ITGB3: variants seen among roughly 807,000 people sequenced by gnomAD.
ITGB3 encodes the protein integrin beta-3.
Under a neutral mutation model 85.8 loss-of-function variants are expected in ITGB3, and 48 were observed. The ratio of observed to expected loss-of-function variants is 0.56; its 90% CI spans 0.44 to 0.71. The LOEUF (loss-of-function observed/expected upper bound fraction) is 0.71, where lower values mean the gene tolerates loss of function less well. Among genes scored for constraint, ITGB3 ranks in the 30% least tolerant of loss-of-function variants. The probability of loss-of-function intolerance (pLI) is 0.00; values close to 1 mark genes in which losing one functional copy is unlikely to be tolerated. For synonymous variants in ITGB3, 363 were observed against 395.6 expected, an observed-to-expected ratio of 0.92 and a Z score of 0.98; for missense variants, 861 against 1,019.1, an observed-to-expected ratio of 0.84 and a Z score of 2.11.
rs1406074238 is a variant in ITGB3 at position 47,299,772 on chromosome 17, G to A, written c.1913+242G>A. On this transcript the variant is annotated intron_variant, in intron 11 of 14. Transcript: ENST00000559488. This position sits in a 1 kb window ranked among gnomAD's most constrained non-coding sequence, Gnocchi z 5.1. ...GATTGAGAATGTCCTCTCCTAGGGTGACATCCTGACTCCCTCTGAGCTGGG... is the reference window on the plus strand; with the variant it reads ...GATTGAGAATGTCCTCTCCTAGGGTAACATCCTGACTCCCTCTGAGCTGGG... Among the ~76,000 whole-genome samples, 4 of 152,220 alleles carry A rather than the reference G, an allele frequency of 2.6e-5. No homozygotes were observed. The highest frequency in any genetic ancestry group is 4.4e-5 in the Non-Finnish European group (3 of 68,038).
intron 1 of ITGB3, among the ~76,000 whole-genome samples, chr17:47,260,413 A>C (rs1226824406): frequency 1.3e-5 from 2 of 152,314 alleles, no homozygotes; most frequent in East Asian, 3.9e-4. Context: ...CTTTGGGAAA[A>C]AAAGAAGATC....
intron 10 of ITGB3, among the ~76,000 whole-genome samples, chr17:47,294,948 G>T (rs2143119687): frequency 6.6e-6 from 1 of 152,030 alleles, no homozygotes; most frequent in African/African-American, 2.4e-5. Context: ...CCCTACTTTG[G>T]GCCTGGTCTT....
chr17:47,308,532 G>C (rs1047294339), intron 14 of ITGB3, among the ~76,000 whole-genome samples: 1 of 151,998 alleles, frequency 6.6e-6, no homozygotes, highest in Non-Finnish European at 1.5e-5. Context: ...TTTGGAGACA[G>C]AGTCTTGCTC....
chr17:47,264,981 A>G (rs1408655560), intron 1 of ITGB3, among the ~76,000 whole-genome samples: 1 of 152,242 alleles, frequency 6.6e-6, no homozygotes, highest in Admixed American at 6.5e-5. Flanking sequence ...TCACAAGAGC[A>G]GGGGCTTTGT....
At chr17:47,278,868 CA>C (rs1350146056) in intron 2 of ITGB3, among the ~76,000 whole-genome samples, 1 of 152,176 alleles carries the variant, frequency 6.6e-6, no homozygotes, top group Non-Finnish European at 1.5e-5. Flanking sequence ...TGGGGTGGAA[CA>C]GTTTCATTCT....
intron 2 of ITGB3, among the ~76,000 whole-genome samples, chr17:47,281,160 C>T (rs1789689390): frequency 6.6e-6 from 1 of 152,070 alleles, no homozygotes. Flanking sequence ...CAGTGCCTGA[C>T]ATACAGTAAG....
intron 1 of ITGB3, among the ~76,000 whole-genome samples, chr17:47,262,690 TC>T (rs1310074075): frequency 7.2e-5 from 11 of 152,282 alleles, no homozygotes; most frequent in African/African-American, 2.6e-4. Context: ...GTTGGGTCTC[TC>T]CCTGGGGACT....
intron 1 of ITGB3, among the ~76,000 whole-genome samples, chr17:47,261,519 C>CTTT (rs71365061): frequency 1.6e-5 from 2 of 128,062 alleles, no homozygotes; most frequent in Non-Finnish European, 3.3e-5. Context: ...GGATCATTGT[C>CTTT]TTTTTTTTTT....
chr17:47,268,299 A>G (rs969844914), intron 1 of ITGB3, among the ~76,000 whole-genome samples: 2 of 152,214 alleles, frequency 1.3e-5, no homozygotes, highest in Non-Finnish European at 2.9e-5. Flanking sequence ...AAACACAATC[A>G]TGACTTCCCA....
rs1167838887 is a variant in ITGB3 at position 47,307,471 on chromosome 17, A to T, written c.2135A>T (p.Glu712Val). 1.3e-5 allele frequency: 21 copies of T among 1,613,812 alleles called. No homozygotes were observed. Among genetic ancestry groups the T allele is most frequent in the Non-Finnish European group, 1.7e-5 (20 of 1,180,038 alleles). ...CCTGCTCTGTGCTTCTTCCTCACAG[A>T]GTGTCCCAAGGGCCCTGACATCCTG... ...KSILYVVEEP[E>V]CPKGPDILVV... The change falls in exon 14 of 15, where the codon GAG (glutamate) becomes GTG (valine). Residue 712 changes from glutamate (E) to valine (V), a missense_variant and splice_region_variant. Physicochemically the swap from Glu to Val is moderately radical, Grantham distance 121 (BLOSUM62 -2). Transcript: ENST00000559488.
At chr17:47,304,228 C>T (rs1178288281) in intron 13 of ITGB3, among the ~76,000 whole-genome samples, 2 of 152,176 alleles carry the variant, frequency 1.3e-5, no homozygotes, top group African/African-American at 2.4e-5. Context: ...GAATTCTAGG[C>T]TCCGCCTCCC....
At chr17:47,273,499 T>C (rs536563558) in intron 1 of ITGB3, among the ~76,000 whole-genome samples, 7 of 152,382 alleles carry the variant, frequency 4.6e-5, no homozygotes, top group African/African-American at 1.7e-4. Flanking sequence ...TTTGGCTTCC[T>C]GGCTGAGCTT....
chr17:47,296,548 A>G (rs1787977517), intron 10 of ITGB3, among the ~76,000 whole-genome samples: 1 of 152,180 alleles, frequency 6.6e-6, no homozygotes, highest in Non-Finnish European at 1.5e-5. Context: ...AAGGTTTTTA[A>G]GCAGGTGAGT....
At chr17:47,297,239 A>C (rs1184819790) in intron 10 of ITGB3, among the ~76,000 whole-genome samples, 1 of 152,212 alleles carries the variant, frequency 6.6e-6, no homozygotes, top group Non-Finnish European at 1.5e-5. Context: ...CTGAAGTCAC[A>C]GTGACTTCAG....
rs771443640 is a variant in ITGB3 at position 47,292,296 on chromosome 17, G to A, written c.1418G>A (p.Arg473His). Residue 473 changes from arginine (R) to histidine (H), a missense_variant, in exon 10 of 15, where the codon CGC (arginine) becomes CAC (histidine). Physicochemically the swap from Arg to His is conservative, Grantham distance 29. Coordinates refer to ENST00000559488, the MANE Select transcript of ITGB3 (RefSeq NM_000212.3). Reference sequence around the variant, plus strand: ...GCCCAAGCTGAACCTAATAGCCATCGCTGCAACAATGGCAATGGGACCTTT... The same window carrying A: ...GCCCAAGCTGAACCTAATAGCCATCACTGCAACAATGGCAATGGGACCTTT... ...CQAQAEPNSH[R>H]CNNGNGTFEC... The A allele has an allele frequency of 5.6e-6, 9 of 1,614,090 alleles. No individual in the cohort carries two copies. The highest frequency in any genetic ancestry group is 2.7e-5 in the African/African-American group (2 of 74,932).
At chr17:47,289,940 T>G (rs2065118756) in intron 7 of ITGB3, among the ~76,000 whole-genome samples, 164 bp downstream of exon 7, 1 of 152,144 alleles carries the variant, frequency 6.6e-6, no homozygotes, top group African/African-American at 2.4e-5. Flanking sequence ...CCTGCAATCT[T>G]GAACTTACTA....
chr17:47,263,563 C>T (rs1431840148), intron 1 of ITGB3, among the ~76,000 whole-genome samples: 1 of 146,918 alleles, frequency 6.8e-6, no homozygotes, highest in African/African-American at 2.5e-5. Context: ...GATCTTGGCT[C>T]ACTGCAAACT....
intron 1 of ITGB3, among the ~76,000 whole-genome samples, chr17:47,265,712 AAC>A (rs1198252348): frequency 2.0e-5 from 3 of 152,266 alleles, no homozygotes; most frequent in Non-Finnish European, 4.4e-5. Context: ...GTCAACTTAT[AAC>A]ACATTTTAAT....
At chr17:47,296,117 G>A (rs2065145088) in intron 10 of ITGB3, among the ~76,000 whole-genome samples, 2 of 152,134 alleles carry the variant, frequency 1.3e-5, no homozygotes, top group Non-Finnish European at 2.9e-5. Context: ...CCTCATCCAA[G>A]CTGTACTTCT....
Sources: gnomAD v4.1 joint callset for allele counts (sites outside exome capture counted in the v4.1 genomes callset) on GRCh38, gnomAD v4.1.1 for gene constraint, Gnocchi (gnomAD v3.1) non-coding constraint, MANE v1.5 for transcripts, NCBI Gene and HGNC (gene_info 2026-07-23, HGNC 2026-07-21) for gene names.